Variants in CREB3L2 observed in about 807,000 individuals in gnomAD.
CREB3L2 encodes the protein cAMP responsive element binding protein 3 like 2, also known as cyclic AMP-responsive element-binding protein 3-like protein 2.
A neutral mutation model predicts 57.2 loss-of-function variants in CREB3L2; 23 were observed. That is an observed-to-expected ratio of 0.40 (90% CI 0.29 to 0.57). The LOEUF is 0.57. Ranked by LOEUF, CREB3L2 falls within the 20% of genes least tolerant of loss-of-function variation. The probability of loss-of-function intolerance (pLI) is 0.42; values close to 1 mark genes in which losing one functional copy is unlikely to be tolerated. For synonymous variants in CREB3L2, 268 were observed against 265.1 expected, an observed-to-expected ratio of 1.01 and a Z score of -0.11; for missense variants, 628 against 634.7, an observed-to-expected ratio of 0.99 and a Z score of 0.11.
intron 10 of CREB3L2, chr7:137,884,681 T>C: frequency 1.7e-6 from 1 of 592,404 alleles, no homozygotes; most frequent in South Asian, 2.1e-5. Context: ...AGCGACAGAC[T>C]CTTTCCCTCA....
chr7:137,916,733 G>A (rs1285217614), intron 2 of CREB3L2, among the ~76,000 whole-genome samples: 2 of 150,280 alleles, frequency 1.3e-5, no homozygotes, highest in East Asian at 4.0e-4. Flanking sequence ...GAAAGAGAGA[G>A]AAAGGGAAGG....
rs200596273 is a variant in CREB3L2 at position 137,899,096 on chromosome 7, AGAAGGAAGGAAGGAAGGAAGGAAGGAAG to A, written c.1043+2230_1043+2257del. Among the ~76,000 whole-genome samples, 124 of 83,788 alleles carry A rather than the reference AGAAGGAAGGAAGGAAGGAAGGAAGGAAG, an allele frequency of 1.5e-3. 1 individual carries two copies. The highest frequency in any genetic ancestry group is 6.6e-3 in the East Asian group (19 of 2,886). The allele number at this position is 83,788 out of a possible 152,430, so 55.0% of individuals were successfully genotyped here. On this transcript the variant is annotated intron_variant, in intron 8 of 11. Coordinates refer to ENST00000330387, the MANE Select transcript of CREB3L2 (RefSeq NM_194071.4). ...GAAAGAAAAGGAAGAAAAAGGAAAGAGAAGGAAGGAAGGAAGGAAGGAAGGAAGGAAGGAAGGAAGGAAGGAAGGAAGG... is the reference window on the plus strand; with the variant it reads ...GAAAGAAAAGGAAGAAAAAGGAAAGAGAAGGAAGGAAGGAAGGAAGGAAGG...
At chr7:137,972,757 A>AT (rs1801539583) in intron 1 of CREB3L2, among the ~76,000 whole-genome samples, 1 of 108,284 alleles carries the variant, frequency 9.2e-6, no homozygotes, top group Admixed American at 9.2e-5. Context: ...AGAGAGAGAG[A>AT]GAGAGAGAGA....
chr7:137,934,665 C>T (rs74637739), intron 1 of CREB3L2, among the ~76,000 whole-genome samples: 4,298 of 152,320 alleles, frequency 0.028, 228 homozygotes, highest in African/African-American at 0.096. Flanking sequence ...GTCTCCTGCA[C>T]TAAACCTGTA....
intron 1 of CREB3L2, among the ~76,000 whole-genome samples, chr7:137,949,122 G>A (rs1801049120): frequency 6.6e-6 from 1 of 152,198 alleles, no homozygotes; most frequent in Admixed American, 6.5e-5. Context: ...GGCCAAGTCA[G>A]CCCAAAGAAA....
Position 137,909,539 on chromosome 7 carries a change from G to C in CREB3L2, c.584-1103C>G, listed in dbSNP as rs536432323. 3.9e-5 allele frequency among the ~76,000 whole-genome samples: 6 copies of C among 152,326 alleles called. No homozygotes were observed. In the South Asian group the frequency reaches 6.2e-4, roughly 16 times the overall value. Reference sequence around the variant, plus strand: ...AAACGCTTCACTCCTGGAGCCCCCAGGACAATGGATTCCCCTGTACAGCAG... The same window carrying C: ...AAACGCTTCACTCCTGGAGCCCCCACGACAATGGATTCCCCTGTACAGCAG... On this transcript the variant is annotated intron_variant, in intron 4 of 11. Coordinates refer to ENST00000330387, the MANE Select transcript of CREB3L2 (RefSeq NM_194071.4).
At position 137,975,824 on chromosome 7, in the gene CREB3L2, C is replaced by T. The variant is rs149615943; in HGVS notation, c.102+25780G>A. On this transcript the variant is annotated intron_variant, in intron 1 of 11. Transcript: ENST00000330387. ...AGCTTTTATTCTTCTTTTAGGAAAA[C>T]GGTTTTAAACTATATTCATTCTCTG... Among the ~76,000 whole-genome samples, 124 of 152,334 alleles carry T rather than the reference C, an allele frequency of 8.1e-4. 1 individual carries two copies. Among genetic ancestry groups the T allele is most frequent in the African/African-American group, 2.8e-3 (116 of 41,582 alleles).
At chr7:137,990,481 C>T (rs576287086) in intron 1 of CREB3L2, among the ~76,000 whole-genome samples, 1 of 152,282 alleles carries the variant, frequency 6.6e-6, no homozygotes, top group East Asian at 1.9e-4. Flanking sequence ...ACTTGGAAAG[C>T]CACAGGTCAA....
At chr7:137,988,471 A>G (rs1055539979) in intron 1 of CREB3L2, among the ~76,000 whole-genome samples, 7 of 152,238 alleles carry the variant, frequency 4.6e-5, no homozygotes, top group African/African-American at 1.7e-4. Context: ...GGAACCAATT[A>G]GGGCTTGTTT....
At chr7:137,967,561 G>A (rs539647608) in intron 1 of CREB3L2, among the ~76,000 whole-genome samples, 1 of 152,230 alleles carries the variant, frequency 6.6e-6, no homozygotes, top group East Asian at 1.9e-4. Context: ...CAAAACAAGA[G>A]ATACTCCGGA....
intron 1 of CREB3L2, among the ~76,000 whole-genome samples, chr7:137,984,623 G>A (rs1585677095): frequency 6.6e-6 from 1 of 152,222 alleles, no homozygotes; most frequent in South Asian, 2.1e-4. Context: ...CTCAAGCCAA[G>A]TGACAGATAA....
At chr7:137,999,499 T>C (rs1802042140) in intron 1 of CREB3L2, among the ~76,000 whole-genome samples, 1 of 151,906 alleles carries the variant, frequency 6.6e-6, no homozygotes, top group Non-Finnish European at 1.5e-5. Context: ...ATTCCACAAA[T>C]ATTAATCGAA....
At chr7:137,946,711 A>G (rs1800983085) in intron 1 of CREB3L2, among the ~76,000 whole-genome samples, 1 of 146,850 alleles carries the variant, frequency 6.8e-6, no homozygotes, top group African/African-American at 2.5e-5. Flanking sequence ...ACATTTTTAT[A>G]TATAGTTATA....
chr7:137,994,575 T>C (rs754359726), intron 1 of CREB3L2, among the ~76,000 whole-genome samples: 1 of 152,162 alleles, frequency 6.6e-6, no homozygotes, highest in Non-Finnish European at 1.5e-5. Context: ...AGCCTTTCCC[T>C]GCACTTTCAA....
At chr7:137,994,427 T>C (rs1275532457) in intron 1 of CREB3L2, among the ~76,000 whole-genome samples, 1 of 152,204 alleles carries the variant, frequency 6.6e-6, no homozygotes, top group African/African-American at 2.4e-5. Flanking sequence ...GTAAGCATGA[T>C]TACAGGCTCA....
intron 1 of CREB3L2, among the ~76,000 whole-genome samples, chr7:137,995,903 A>G (rs942099026): frequency 6.6e-6 from 1 of 152,196 alleles, no homozygotes; most frequent in Non-Finnish European, 1.5e-5. Flanking sequence ...GCCTATGTCT[A>G]CCACCTCCCA....
intron 1 of CREB3L2, chr7:137,955,392 A>G: frequency 9.9e-7 from 1 of 1,010,464 alleles, no homozygotes; most frequent in Non-Finnish European, 1.4e-6. Context: ...TTAGTTCTTC[A>G]GCACGGCCAC....
Position 137,879,019 on chromosome 7 carries a change from T to C in CREB3L2, c.*1457A>G. ...CTGCTAATAAAAATAAAATACAAAC[T>C]CTATGCACATTTCCTACACAAAATC... On this transcript the variant is annotated 3_prime_UTR_variant, in exon 12 of 12. Transcript: ENST00000330387. 1 of 433,058 alleles carries C rather than the reference T, an allele frequency of 2.3e-6. No individual in the cohort carries two copies. Among genetic ancestry groups the C allele is most frequent in the South Asian group, 2.1e-5 (1 of 46,566 alleles). The allele number at this position is 433,058 out of a possible 1,614,324, so 26.8% of individuals were successfully genotyped here. A position where few individuals can be genotyped will look rare whatever the true frequency, so the allele number is the denominator to read the frequency against.
chr7:137,984,041 C>T (rs1801754282), intron 1 of CREB3L2, among the ~76,000 whole-genome samples: 2 of 152,184 alleles, frequency 1.3e-5, no homozygotes, highest in Admixed American at 6.5e-5. Flanking sequence ...CAAAAAGTGC[C>T]ACTGAGGTTT....
Sources: gnomAD v4.1 joint callset for allele counts (sites outside exome capture counted in the v4.1 genomes callset) on GRCh38, gnomAD v4.1.1 for gene constraint, MANE v1.5 for transcripts, NCBI Gene and HGNC (gene_info 2026-07-23, HGNC 2026-07-21) for gene names.